Variants in FDPS observed in about 807,000 individuals in gnomAD.
The protein encoded by FDPS is farnesyl diphosphate synthase, also known as farnesyl pyrophosphate synthase.
FDPS carries 29 observed loss-of-function variants against 49.5 expected under a neutral mutation model. The ratio of observed to expected loss-of-function variants is 0.59; its 90% CI spans 0.44 to 0.80. The LOEUF (loss-of-function observed/expected upper bound fraction) is 0.80. Among genes scored for constraint, FDPS ranks in the 30% least tolerant of loss-of-function variants. FDPS has a pLI of 0.00. For synonymous variants in FDPS, 172 were observed against 206.4 expected (o/e 0.83, Z 1.43); for missense variants, 414 against 525.6 (o/e 0.79, Z 2.08).
At chr1:155,312,143 G>C in intron 3 of FDPS, 112 bp from the exon 4 acceptor site, 1 of 1,241,574 alleles carries the variant, frequency 8.1e-7, no homozygotes, top group Non-Finnish European at 1.2e-6. Context: ...AGGAGTTGGG[G>C]TTGGGGAGGA....
At chr1:155,311,975 AAAATAAATAAAT>A (rs569029572) in intron 3 of FDPS, among the ~76,000 whole-genome samples, 6 of 151,924 alleles carry the variant, frequency 3.9e-5, no homozygotes, top group Non-Finnish European at 7.4e-5. Flanking sequence ...TCATCTCAAA[AAAATAAATAAAT>A]AAATAAATAA....
Position 155,309,908 on chromosome 1 carries a change from C to A in FDPS, c.119C>A (p.Pro40Gln), listed in dbSNP as rs768342764. 19 of 1,599,244 alleles carry A rather than the reference C, an allele frequency of 1.2e-5. No individual in the cohort carries two copies. The highest frequency in any genetic ancestry group is 1.7e-5 in the Admixed American group (1 of 58,290). The change falls in exon 2 of 11, where the codon CCA becomes CAA. Residue 40 changes from proline to glutamine, a missense_variant. Transcript: ENST00000368356. ...LRRPSLVHGYPVLAWHSARCW... is the reference protein window; with the variant it reads ...LRRPSLVHGYQVLAWHSARCW... ...CGGCCCTCCCTGGTGCACGGGTACCCAGTCCTGGCCTGGCACAGTGCCCGC... is the reference window on the plus strand; with the variant it reads ...CGGCCCTCCCTGGTGCACGGGTACCAAGTCCTGGCCTGGCACAGTGCCCGC...
rs373733046 is a variant in FDPS, at chr1:155,318,617, G to C, written c.685-48G>C. 2 of 1,410,288 alleles carry C rather than the reference G, an allele frequency of 1.4e-6. No homozygotes were observed. Among genetic ancestry groups the C allele is most frequent in the Non-Finnish European group, 2.0e-6 (2 of 995,372 alleles). 87.4% of individuals were successfully genotyped at this position (1,410,288 alleles called of 1,614,324 possible). A position where few individuals can be genotyped will look rare whatever the true frequency, so the allele number is the denominator to read the frequency against. On this transcript the variant is annotated intron_variant, in intron 6 of 10. Coordinates refer to ENST00000368356, the MANE Select transcript of FDPS (RefSeq NM_002004.4). The surrounding 1 kb of genome is among the most constrained non-coding windows in gnomAD (Gnocchi z 4.2). ...GTTGGGCTTGGGATACCAGGGTTTCGCATATCTGGAGAAAGCCTGGCTCAT... is the reference window on the plus strand; with the variant it reads ...GTTGGGCTTGGGATACCAGGGTTTCCCATATCTGGAGAAAGCCTGGCTCAT...
At position 155,318,799 on chromosome 1, in the gene FDPS, G is replaced by C; in HGVS notation, c.773+46G>C. The C allele has an allele frequency of 6.3e-7, 1 of 1,587,692 alleles. No individual in the cohort carries two copies. The highest frequency in any genetic ancestry group is 8.7e-7 in the Non-Finnish European group (1 of 1,156,048). On this transcript the variant is annotated intron_variant, in intron 7 of 10. Transcript: ENST00000368356. The surrounding 1 kb of genome is among the most constrained non-coding windows in gnomAD (Gnocchi z 4.2). ...GCGCGAACCATGTCTGGACAGCGAG[G>C]GAGGGCTCAGGATGTGCATTGCCCT...
chr1:155,312,616 G>A (rs1648918331), intron 4 of FDPS: 1 of 519,474 alleles, frequency 1.9e-6, no homozygotes, highest in East Asian at 3.2e-5. Flanking sequence ...GTTGTAGACA[G>A]TGTGGACTGG....
In FDPS at chr1:155,318,216, A is replaced by G. The variant is rs747577540; in HGVS notation, c.609A>G (p.Ala203=). 5 of 1,614,068 alleles carry G rather than the reference A, an allele frequency of 3.1e-6. No homozygotes were observed. Among genetic ancestry groups the G allele is most frequent in the Non-Finnish European group, 4.2e-6 (5 of 1,180,032 alleles). The change falls in exon 6 of 11, where the codon GCA becomes GCG. Residue 203 remains alanine (A), a synonymous_variant. Coordinates refer to ENST00000368356, the MANE Select transcript of FDPS (RefSeq NM_002004.4). This position sits in a 1 kb window ranked among gnomAD's most constrained non-coding sequence, Gnocchi z 4.2. ...TCAATGATGCTAACCTCCTGGAAGC[A>G]TGTATCTACCGCCTGCTGAAGCTCT... ...DAINDANLLE[A]CIYRLLKLYC...
At chr1:155,310,693 G>A (rs1349195439) in intron 3 of FDPS, among the ~76,000 whole-genome samples, 2 of 152,116 alleles carry the variant, frequency 1.3e-5, no homozygotes, top group South Asian at 2.1e-4. Flanking sequence ...TCCATCAACC[G>A]GACTTTTGGC....
intron 4 of FDPS, chr1:155,316,966 A>T (rs767112728): frequency 7.2e-5 from 11 of 152,206 alleles, no homozygotes; most frequent in East Asian, 1.9e-4. Flanking sequence ...AAGAGGGGGA[A>T]GTTACTGTCC....
chr1:155,320,162 G>T, intron 10 of FDPS: 1 of 650,132 alleles, frequency 1.5e-6, no homozygotes, highest in East Asian at 2.7e-5. Flanking sequence ...AGGATTATCT[G>T]GTCCCAAATT....
rs1189301763 is a variant in FDPS at position 155,310,052 on chromosome 1, C to T, written c.186C>T (p.Cys62=). ...QAWTEEPRAL[C]SSLRMNGDQN... is the part of the protein sequence containing the mutation. Reference sequence around the variant, plus strand: ...TTTTTCTTCTACTTAGAGCCCTTTGCTCCTCCCTCAGAATGAACGGAGACC... The same window carrying T: ...TTTTTCTTCTACTTAGAGCCCTTTGTTCCTCCCTCAGAATGAACGGAGACC... The change falls in exon 3 of 11, where the codon TGC becomes TGT. Residue 62 remains cysteine, a synonymous_variant. Coordinates refer to ENST00000368356, the MANE Select transcript of FDPS (RefSeq NM_002004.4). The T allele has an allele frequency of 2.5e-6, 4 of 1,613,404 alleles. No individual in the cohort carries two copies. Among genetic ancestry groups the T allele is most frequent in the Admixed American group, 1.7e-5 (1 of 60,000 alleles).
At position 155,318,949 on chromosome 1, in the gene FDPS, C is replaced by A; in HGVS notation, c.846+21C>A. The A allele has an allele frequency of 3.2e-6, 5 of 1,566,276 alleles. No homozygotes were observed. The highest frequency in any genetic ancestry group is 1.1e-5 in the South Asian group (1 of 90,182). Reference sequence around the variant, plus strand: ...ACATGGTGAGTGAGCCTCCTCACCCCTCTCTGCTCTGCTGATGGGGGCTTT... The same window carrying A: ...ACATGGTGAGTGAGCCTCCTCACCCATCTCTGCTCTGCTGATGGGGGCTTT... On this transcript the variant is annotated intron_variant, in intron 8 of 10. Coordinates refer to ENST00000368356, the MANE Select transcript of FDPS (RefSeq NM_002004.4). The surrounding 1 kb of genome is among the most constrained non-coding windows in gnomAD (Gnocchi z 4.2).
intron 3 of FDPS, chr1:155,310,490 T>C: frequency 5.6e-6 from 2 of 358,256 alleles, no homozygotes; most frequent in Non-Finnish European, 5.1e-6. Flanking sequence ...TTTGTATTTT[T>C]AATAGAGACG....
chr1:155,313,915 T>G (rs898018812), intron 4 of FDPS, among the ~76,000 whole-genome samples: 1 of 147,782 alleles, frequency 6.8e-6, no homozygotes, highest in Non-Finnish European at 1.5e-5. Context: ...GCCTCCCAGG[T>G]TCAAGCAATT....
chr1:155,313,157 A>G (rs1041524211), intron 4 of FDPS, among the ~76,000 whole-genome samples: 4 of 152,230 alleles, frequency 2.6e-5, no homozygotes, highest in African/African-American at 9.6e-5. Context: ...GGGAAATTGT[A>G]AGATTTGGGT....
chr1:155,310,383 T>C, intron 3 of FDPS, 178 bp downstream of exon 3: 1 of 590,432 alleles, frequency 1.7e-6, no homozygotes, highest in South Asian at 2.2e-5. Context: ...TGATCTCGGC[T>C]TGCTGCAACC....
intron 8 of FDPS, among the ~76,000 whole-genome samples, chr1:155,319,136 G>A (rs986222089): frequency 6.6e-6 from 1 of 152,212 alleles, no homozygotes; most frequent in Non-Finnish European, 1.5e-5. Context: ...GGATATGAAA[G>A]TGCTTAGCAC....
intron 4 of FDPS, among the ~76,000 whole-genome samples, chr1:155,314,224 T>C (rs891379133): frequency 1.3e-5 from 2 of 151,646 alleles, no homozygotes; most frequent in African/African-American, 2.4e-5. Context: ...CTTACTCTGT[T>C]ACCCAGGCTG....
At chr1:155,311,533 T>C (rs2148233477) in intron 3 of FDPS, among the ~76,000 whole-genome samples, 1 of 152,074 alleles carries the variant, frequency 6.6e-6, no homozygotes, top group East Asian at 1.9e-4. Flanking sequence ...TGAACCCTGG[T>C]AGGCAGAGGT....
intron 3 of FDPS, among the ~76,000 whole-genome samples, chr1:155,311,564 G>A (rs1648798983): frequency 6.6e-6 from 1 of 152,140 alleles, no homozygotes; most frequent in South Asian, 2.1e-4. Flanking sequence ...GTAGGGATGG[G>A]TTGTGAAGGG....
Sources: gnomAD v4.1 joint callset for allele counts (sites outside exome capture counted in the v4.1 genomes callset) on GRCh38, gnomAD v4.1.1 for gene constraint, Gnocchi (gnomAD v3.1) non-coding constraint, MANE v1.5 for transcripts, NCBI Gene and HGNC (gene_info 2026-07-23, HGNC 2026-07-21) for gene names.